SEM1: variants seen among roughly 807,000 people sequenced by gnomAD.
The protein encoded by SEM1 is 26S proteasome complex subunit SEM1.
In SEM1, 3 loss-of-function variants were observed where a neutral mutation model predicts 12.7. The ratio of observed to expected loss-of-function variants is 0.24; its 90% confidence interval spans 0.11 to 0.61. The LOEUF (loss-of-function observed/expected upper bound fraction) is 0.61. SEM1 is among the 20% of genes least tolerant of loss of function. The probability of loss-of-function intolerance (pLI) is 0.88; values close to 1 mark genes in which losing one functional copy is unlikely to be tolerated. For missense variants in SEM1, 59 were observed against 81.3 expected (o/e 0.73, Z 1.06); for synonymous variants, 30 against 27.8 (o/e 1.08, Z -0.25).
chr7:96,499,074 A>G (rs1353649501), upstream of SEM1, among the ~76,000 whole-genome samples: 1 of 152,200 alleles, frequency 6.6e-6, no homozygotes, highest in African/African-American at 2.4e-5. Context: ...GTGTGAATAC[A>G]TCAATGAAGT....
intron 2 of SEM1, among the ~76,000 whole-genome samples, chr7:96,650,682 G>GCACA (rs112166466): frequency 9.5e-4 from 144 of 151,550 alleles, no homozygotes; most frequent in African/African-American, 3.1e-3. Context: ...ACACAGATGC[G>GCACA]CGCACACACA....
intron 2 of SEM1, among the ~76,000 whole-genome samples, chr7:96,565,439 T>G (rs1805817697): frequency 6.6e-6 from 1 of 151,802 alleles, no homozygotes; most frequent in Non-Finnish European, 1.5e-5. Context: ...GAGGCACAAT[T>G]TTAGTAAGTG....
intron 2 of SEM1, among the ~76,000 whole-genome samples, chr7:96,520,705 C>G (rs779107043): frequency 9.9e-5 from 15 of 152,210 alleles, no homozygotes; most frequent in African/African-American, 3.1e-4. Context: ...TCCTCTACCT[C>G]TATTTCTTTT....
intron 2 of SEM1, among the ~76,000 whole-genome samples, chr7:96,521,609 G>A (rs1804272718): frequency 1.3e-5 from 2 of 152,072 alleles, no homozygotes; most frequent in South Asian, 4.1e-4. Context: ...TTTTCGGTCA[G>A]GTCACAACTG....
intron 2 of SEM1, among the ~76,000 whole-genome samples, chr7:96,575,631 T>G (rs1806179160): frequency 1.3e-5 from 2 of 152,198 alleles, no homozygotes; most frequent in Non-Finnish European, 2.9e-5. Flanking sequence ...AGCCCCTGAC[T>G]GGGGGTGCTG....
chr7:96,646,573 G>A (rs1291111141), intron 2 of SEM1, among the ~76,000 whole-genome samples: 2 of 152,032 alleles, frequency 1.3e-5, no homozygotes, highest in African/African-American at 4.8e-5. Context: ...TGGAAACAGG[G>A]ACCAGATATG....
intron 2 of SEM1, among the ~76,000 whole-genome samples, chr7:96,577,015 G>T (rs1012259397): frequency 6.6e-6 from 1 of 152,088 alleles, no homozygotes; most frequent in Admixed American, 6.5e-5. Flanking sequence ...TACTCGGGAG[G>T]CTGAGGCAGG....
chr7:96,604,916 G>A (rs778793950), intron 2 of SEM1, among the ~76,000 whole-genome samples: 9 of 151,622 alleles, frequency 5.9e-5, no homozygotes, highest in East Asian at 2.0e-4. Context: ...GCAAGACTCC[G>A]TCTCAAAAAA....
chr7:96,610,442 A>T (rs566912404), intron 2 of SEM1, among the ~76,000 whole-genome samples: 1 of 152,040 alleles, frequency 6.6e-6, no homozygotes, highest in Non-Finnish European at 1.5e-5. Context: ...TGAGGGAGAG[A>T]ATTATCTGCT....
intron 2 of SEM1, among the ~76,000 whole-genome samples, chr7:96,626,592 G>T (rs1055848798): frequency 6.6e-6 from 1 of 152,010 alleles, no homozygotes; most frequent in Non-Finnish European, 1.5e-5. Flanking sequence ...CACATTGATT[G>T]GTTTGCATAT....
chr7:96,571,741 T>C (rs1175830564), intron 2 of SEM1, among the ~76,000 whole-genome samples: 2 of 152,108 alleles, frequency 1.3e-5, no homozygotes, highest in Non-Finnish European at 2.9e-5. Flanking sequence ...TCAGGTATAT[T>C]GGCCTGAAAT....
At chr7:96,615,105 C>A (rs962474660) in intron 2 of SEM1, among the ~76,000 whole-genome samples, 1 of 152,104 alleles carries the variant, frequency 6.6e-6, no homozygotes, top group Non-Finnish European at 1.5e-5. Flanking sequence ...AGACTTTGGA[C>A]AAATCCCATT....
chr7:96,599,989 G>A (rs550614958), intron 2 of SEM1, among the ~76,000 whole-genome samples: 8 of 152,168 alleles, frequency 5.3e-5, no homozygotes, highest in Non-Finnish European at 7.3e-5. Context: ...ACAGGAACAC[G>A]CGAGTCTGTT....
intron 2 of SEM1, among the ~76,000 whole-genome samples, chr7:96,600,042 T>C (rs1203985631): frequency 6.6e-6 from 1 of 152,180 alleles, no homozygotes; most frequent in African/African-American, 2.4e-5. Context: ...CCAAACCTTT[T>C]GGGGTGGGAC....
chr7:96,525,552 A>T (rs954365088), intron 2 of SEM1, among the ~76,000 whole-genome samples: 2 of 152,116 alleles, frequency 1.3e-5, no homozygotes, highest in East Asian at 3.9e-4. Context: ...AAGAAGGAGG[A>T]TATTTAGAAT....
intron 2 of SEM1, among the ~76,000 whole-genome samples, chr7:96,632,764 GT>G (rs977274430): frequency 3.1e-4 from 43 of 137,514 alleles, no homozygotes; most frequent in African/African-American, 9.7e-4. Flanking sequence ...TATGAAGGTG[GT>G]TTTTTTTTGT....
intron 2 of SEM1, among the ~76,000 whole-genome samples, chr7:96,540,272 A>G (rs1804905206): frequency 6.6e-6 from 1 of 151,686 alleles, no homozygotes. Flanking sequence ...AAAATTGGAT[A>G]TTTAGGGAAA....
chr7:96,704,014 C>CACAT lies in SEM1; in HGVS notation c.76+5673_76+5674insATGT, dbSNP rs3219557. On this transcript the variant is annotated intron_variant, in intron 1 of 2. Transcript: ENST00000248566. Reference sequence around the variant, plus strand: ...ACACACACACACACACACACACATACATAAAAGAACCAAAGAAAAAACCCT... The same window carrying CACAT: ...ACACACACACACACACACACACATACACATATAAAAGAACCAAAGAAAAAACCCT... 3.2e-4 allele frequency among the ~76,000 whole-genome samples: 47 copies of CACAT among 149,184 alleles called. No individual in the cohort carries two copies. The South Asian group carries it at 7.5e-3, about 24-fold the overall frequency.
intron 2 of SEM1, among the ~76,000 whole-genome samples, chr7:96,535,808 G>A (rs1328422113): frequency 6.6e-6 from 1 of 152,046 alleles, no homozygotes; most frequent in Admixed American, 6.6e-5. Context: ...TGTTACGGCT[G>A]TCTAGTATTC....
Sources: allele counts gnomAD v4.1 joint callset (sites outside exome capture counted in the v4.1 genomes callset), GRCh38; gene constraint gnomAD v4.1.1; transcripts MANE v1.5; gene names NCBI Gene and HGNC (gene_info 2026-07-23, HGNC 2026-07-21).